Variants in PPP1R13B observed in about 807,000 individuals in gnomAD.
The protein encoded by PPP1R13B is apoptosis-stimulating of p53 protein 1.
A neutral mutation model predicts 119.8 loss-of-function variants in PPP1R13B; 44 were observed. That is an observed-to-expected ratio of 0.37 (90% CI 0.29 to 0.47). PPP1R13B has a LOEUF of 0.47. Among genes scored for constraint, PPP1R13B ranks in the 20% least tolerant of loss-of-function variants. PPP1R13B has a pLI of 0.99. For missense variants in PPP1R13B, 1,227 were observed against 1,413.5 expected (o/e 0.87, Z 2.12); for synonymous variants, 542 against 561.5 (o/e 0.97, Z 0.49).
chr14:103,792,093 T>A (rs1363337852), intron 2 of PPP1R13B, among the ~76,000 whole-genome samples: 1 of 152,108 alleles, frequency 6.6e-6, no homozygotes, highest in Non-Finnish European at 1.5e-5. Context: ...AGTCTGAACA[T>A]AACCTAATAA....
Position 103,847,531 on chromosome 14 carries a change from G to GCCGCCT in PPP1R13B, c.-230_-225dup, listed in dbSNP as rs1381825249. ...TCCCGGGCACCCGGCCGCCGCCGCC[G>GCCGCCT]CCGCCTCAACCTCAGCCTCAGCCTC... On this transcript the variant is annotated 5_prime_UTR_variant, in exon 1 of 17. Coordinates refer to ENST00000202556, the MANE Select transcript of PPP1R13B (RefSeq NM_015316.3). The GCCGCCT allele has an allele frequency of 4.1e-6, 4 of 985,526 alleles. No individual in the cohort carries two copies. In the African/African-American group the frequency reaches 7.0e-5, roughly 17 times the overall value. 61.0% of individuals were successfully genotyped at this position (985,526 alleles called of 1,614,324 possible). A position where few individuals can be genotyped will look rare whatever the true frequency, so the allele number is the denominator to read the frequency against.
intron 1 of PPP1R13B, among the ~76,000 whole-genome samples, chr14:103,821,130 T>C (rs925905472): frequency 3.9e-5 from 6 of 152,164 alleles, no homozygotes; most frequent in African/African-American, 1.4e-4. Flanking sequence ...AAATAATTTG[T>C]CAAGGTTAAT....
In PPP1R13B at chr14:103,739,974, G is replaced by T; in HGVS notation, c.2442C>A (p.Ala814=). 6.2e-7 allele frequency: 1 copy of T among 1,614,096 alleles called. No homozygotes were observed. The highest frequency in any genetic ancestry group is 8.5e-7 in the Non-Finnish European group (1 of 1,180,028). ...TGTTGTTATTGTCCTCTGCCGGCTC[G>T]GCAGTTTGGTGGGTGGTTTGGGGAC... The part of the protein sequence containing the change: ...LICPQTTHQT[A]EPAEDNNNNV... The change falls in exon 12 of 17, where the codon GCC becomes GCA. Residue 814 remains alanine, a synonymous_variant. Coordinates refer to ENST00000202556, the MANE Select transcript of PPP1R13B (RefSeq NM_015316.3).
chr14:103,823,887 A>G (rs2086470853), intron 1 of PPP1R13B, among the ~76,000 whole-genome samples: 1 of 151,902 alleles, frequency 6.6e-6, no homozygotes, highest in Admixed American at 6.6e-5. Flanking sequence ...AATGACCCAC[A>G]CTTTAAACAG....
At position 103,734,322 on chromosome 14, in the gene PPP1R13B, C is replaced by T. The variant is rs950539747; in HGVS notation, c.*832G>A. The T allele has an allele frequency of 2.7e-6, 1 of 364,830 alleles. No homozygotes were observed. Among genetic ancestry groups the T allele is most frequent in the Admixed American group, 3.4e-5 (1 of 29,116 alleles). 22.6% of individuals were successfully genotyped at this position (364,830 alleles called of 1,614,324 possible). ...GGTCTGCCCTCACACCAGTCCACCC[C>T]CAGCCCCAACCCCAACCACCCTCCG... is the stretch of plus-strand genomic sequence containing the variant. On this transcript the variant is annotated 3_prime_UTR_variant, in exon 17 of 17. Transcript: ENST00000202556.
chr14:103,766,131 C>G (rs2084933987), intron 4 of PPP1R13B, among the ~76,000 whole-genome samples: 1 of 151,876 alleles, frequency 6.6e-6, no homozygotes, highest in Non-Finnish European at 1.5e-5. Flanking sequence ...GCCTCAGCCT[C>G]CCGAATAGCT....
At chr14:103,743,454 C>G (rs2084308726) in intron 9 of PPP1R13B, among the ~76,000 whole-genome samples, 1 of 152,214 alleles carries the variant, frequency 6.6e-6, no homozygotes, top group South Asian at 2.1e-4. Context: ...ATGACAGGTT[C>G]TTTACAGAGT....
At chr14:103,799,873 C>A (rs1373018046) in intron 1 of PPP1R13B, among the ~76,000 whole-genome samples, 6 of 151,522 alleles carry the variant, frequency 4.0e-5, no homozygotes, top group African/African-American at 1.2e-4. Flanking sequence ...TGGTGAAACC[C>A]CAACTCTGAT....
chr14:103,788,411 T>TC (rs1425674878), intron 2 of PPP1R13B, among the ~76,000 whole-genome samples: 2 of 152,042 alleles, frequency 1.3e-5, no homozygotes, highest in Admixed American at 6.5e-5. Context: ...AGCTATTTTA[T>TC]CCCTTTTCAT....
intron 2 of PPP1R13B, among the ~76,000 whole-genome samples, chr14:103,795,048 A>T (rs1463566990): frequency 6.6e-6 from 1 of 152,012 alleles, no homozygotes; most frequent in Non-Finnish European, 1.5e-5. Context: ...GTTTCAAGGG[A>T]TTCTCCTGCC....
At chr14:103,833,046 G>A (rs1478828682) in intron 1 of PPP1R13B, among the ~76,000 whole-genome samples, 2 of 151,956 alleles carry the variant, frequency 1.3e-5, no homozygotes, top group African/African-American at 4.8e-5. Flanking sequence ...AGATAAAAAC[G>A]TTCTGGAGGT....
chr14:103,745,086 G>A (rs2151970213), intron 9 of PPP1R13B, among the ~76,000 whole-genome samples: 1 of 152,312 alleles, frequency 6.6e-6, no homozygotes, highest in East Asian at 1.9e-4. Flanking sequence ...ATAAATAACA[G>A]CTTAGCAGAG....
chr14:103,847,141 TG>T, intron 1 of PPP1R13B, 157 bp downstream of exon 1: 3 of 976,850 alleles, frequency 3.1e-6, no homozygotes, highest in Non-Finnish European at 2.4e-6. Flanking sequence ...CCTGCCCGCC[TG>T]GGGGGCGCCG....
intron 1 of PPP1R13B, among the ~76,000 whole-genome samples, chr14:103,814,342 C>T (rs541000776): frequency 6.6e-6 from 1 of 152,130 alleles, no homozygotes; most frequent in Admixed American, 6.5e-5. Flanking sequence ...GAGCAAGACT[C>T]CGTCTCAAAA....
At chr14:103,768,293 TTTATTA>T (rs1210751707) in intron 4 of PPP1R13B, among the ~76,000 whole-genome samples, 1 of 151,258 alleles carries the variant, frequency 6.6e-6, no homozygotes, top group Non-Finnish European at 1.5e-5. Context: ...TTTTTGTATT[TTTATTA>T]TTATTATTAT....
chr14:103,755,750 TAAA>T (rs1375277116), intron 5 of PPP1R13B, among the ~76,000 whole-genome samples: 1 of 152,152 alleles, frequency 6.6e-6, no homozygotes, highest in Non-Finnish European at 1.5e-5. Flanking sequence ...TGGAAAAAAA[TAAA>T]AAGCAGAATT....
chr14:103,815,353 A>C (rs2086253337), intron 1 of PPP1R13B, among the ~76,000 whole-genome samples: 2 of 152,224 alleles, frequency 1.3e-5, no homozygotes, highest in South Asian at 4.1e-4. Flanking sequence ...ACTAGATAGT[A>C]GTGATGGTTG....
chr14:103,818,537 T>A, intron 1 of PPP1R13B: 1 of 973,344 alleles, frequency 1.0e-6, no homozygotes, highest in African/African-American at 1.8e-5. Flanking sequence ...AGACAAATCA[T>A]ACACCAGTTG....
intron 1 of PPP1R13B, among the ~76,000 whole-genome samples, chr14:103,845,453 A>G (rs1179442221): frequency 1.3e-5 from 2 of 152,204 alleles, no homozygotes; most frequent in African/African-American, 4.8e-5. Flanking sequence ...CGGTGTTTTA[A>G]ACAGGTAATA....
Sources: gnomAD v4.1 joint callset for allele counts (sites outside exome capture counted in the v4.1 genomes callset) on GRCh38, gnomAD v4.1.1 for gene constraint, MANE v1.5 for transcripts, NCBI Gene and HGNC (gene_info 2026-07-23, HGNC 2026-07-21) for gene names.